Variants in MBD3L1 observed in about 807,000 individuals in gnomAD.
MBD3L1 encodes the protein methyl-CpG-binding domain protein 3-like 1.
For missense variants in MBD3L1, 203 were observed against 230.1 expected (o/e 0.88, Z 0.76); for synonymous variants, 84 against 85.1 (o/e 0.99, Z 0.07).
chr19:8,832,964 C>G (rs2145331728), intron 1 of MBD3L1: 1 of 140,060 alleles, frequency 7.1e-6, no homozygotes, highest in Non-Finnish European at 1.5e-5. Context: ...AGGGGCGGAG[C>G]TATGGGGTGG....
intron 1 of MBD3L1, among the ~76,000 whole-genome samples, chr19:8,836,735 C>G (rs1189171301): frequency 7.2e-5 from 11 of 152,194 alleles, no homozygotes; most frequent in Admixed American, 7.2e-4. Flanking sequence ...CAAGCAATCC[C>G]TTTGCCTTGG....
In MBD3L1 at chr19:8,843,305, C is replaced by G; in HGVS notation, c.*42C>G. ...AGTGCAGATGAAATAAAGTGTAATC[C>G]TTTATTAACATCTCTTTGCAGTGTC... On this transcript the variant is annotated 3_prime_UTR_variant, in exon 3 of 3. Transcript: ENST00000595891. The G allele has an allele frequency of 7.1e-7, 1 of 1,409,562 alleles. No individual in the cohort carries two copies. The highest frequency in any genetic ancestry group is 9.4e-7 in the Non-Finnish European group (1 of 1,058,382). The allele number at this position is 1,409,562 out of a possible 1,614,324, so 87.3% of individuals were successfully genotyped here.
At chr19:8,835,086 C>G (rs2044441009) in intron 1 of MBD3L1, among the ~76,000 whole-genome samples, 1 of 149,628 alleles carries the variant, frequency 6.7e-6, no homozygotes, top group Non-Finnish European at 1.5e-5. Flanking sequence ...GAGTCTCCTT[C>G]TGTCACCTAG....
At chr19:8,835,392 G>T (rs1384289997) in intron 1 of MBD3L1, among the ~76,000 whole-genome samples, 1 of 152,126 alleles carries the variant, frequency 6.6e-6, no homozygotes, top group African/African-American at 2.4e-5. Flanking sequence ...TTTCTACAAA[G>T]AAGATACACA....
intron 1 of MBD3L1, chr19:8,833,252 T>G (rs1195174628): frequency 1.3e-5 from 2 of 152,212 alleles, no homozygotes; most frequent in African/African-American, 4.8e-5. Context: ...GATCAGATTA[T>G]GTATGCACAT....
chr19:8,840,195 A>C (rs991740245), intron 1 of MBD3L1, among the ~76,000 whole-genome samples: 6 of 152,142 alleles, frequency 3.9e-5, no homozygotes, highest in South Asian at 2.1e-4. Flanking sequence ...AAAAAAAAAA[A>C]AAAACAAAAA....
intron 1 of MBD3L1, among the ~76,000 whole-genome samples, chr19:8,839,280 G>T (rs1293951503): frequency 6.7e-6 from 1 of 150,320 alleles, no homozygotes; most frequent in East Asian, 2.0e-4. Context: ...CGCCTCCCAG[G>T]TTCACGCCAT....
intron 1 of MBD3L1, among the ~76,000 whole-genome samples, chr19:8,836,649 G>A (rs780008865): frequency 3.9e-5 from 6 of 151,928 alleles, no homozygotes; most frequent in African/African-American, 7.3e-5. Flanking sequence ...GCACCACCAC[G>A]CCCAGCTAGT....
intron 1 of MBD3L1, among the ~76,000 whole-genome samples, chr19:8,836,954 C>G (rs971954220): frequency 2.0e-5 from 3 of 152,264 alleles, no homozygotes; most frequent in Non-Finnish European, 4.4e-5. Flanking sequence ...AAAACATCAT[C>G]AAAGACAAAG....
intron 1 of MBD3L1, among the ~76,000 whole-genome samples, chr19:8,834,124 G>C (rs2044425513): frequency 6.6e-6 from 1 of 152,194 alleles, no homozygotes; most frequent in Non-Finnish European, 1.5e-5. Flanking sequence ...GAATGATATT[G>C]TTTCATGCAC....
intron 1 of MBD3L1, among the ~76,000 whole-genome samples, chr19:8,834,059 T>C (rs1402498640): frequency 1.3e-5 from 2 of 151,978 alleles, no homozygotes; most frequent in East Asian, 3.9e-4. Context: ...AGGGAAAAAA[T>C]TTTATGTAAG....
At chr19:8,838,252 CAAAAAAAAAAA>C (rs542318207) in intron 1 of MBD3L1, among the ~76,000 whole-genome samples, 824 of 11,824 alleles carry the variant, frequency 0.07, 37 homozygotes, top group South Asian at 0.27. Flanking sequence ...GACTCCATCT[CAAAAAAAAAAA>C]AAAAAAAAAA....
At chr19:8,840,241 C>T (rs1568484496) in intron 1 of MBD3L1, among the ~76,000 whole-genome samples, 1 of 149,796 alleles carries the variant, frequency 6.7e-6, no homozygotes, top group Non-Finnish European at 1.5e-5. Flanking sequence ...ATATTGGAAG[C>T]ATAAAATTAA....
intron 1 of MBD3L1, among the ~76,000 whole-genome samples, chr19:8,834,405 C>T (rs530514782): frequency 1.3e-5 from 2 of 151,700 alleles, no homozygotes; most frequent in African/African-American, 4.8e-5. Context: ...GTCAAGATAT[C>T]GAGACCATCC....
intron 1 of MBD3L1, among the ~76,000 whole-genome samples, chr19:8,839,423 A>G (rs1041947100): frequency 2.6e-5 from 4 of 151,842 alleles, no homozygotes; most frequent in Non-Finnish European, 5.9e-5. Flanking sequence ...GATGGTCTCA[A>G]TCTCCTGACC....
At position 8,843,075 on chromosome 19, in the gene MBD3L1, C is replaced by T; in HGVS notation, c.397C>T (p.Pro133Ser). 1 of 1,613,966 alleles carries T rather than the reference C, an allele frequency of 6.2e-7. No homozygotes were observed. Among genetic ancestry groups the T allele is most frequent in the Non-Finnish European group, 8.5e-7 (1 of 1,179,940 alleles). The part of the protein sequence containing the change: ...ACSSDAVEII[P>S]AEGVGISQLL... ...CTCTTCAGATGCGGTGGAGATAATT[C>T]CTGCAGAGGGAGTGGGTATCTCGCA... The change falls in exon 3 of 3, where the codon CCT becomes TCT. Residue 133 changes from proline (P) to serine (S), a missense_variant. Coordinates refer to ENST00000595891, the MANE Select transcript of MBD3L1 (RefSeq NM_001393532.1).
chr19:8,833,714 C>T (rs1327953741), intron 1 of MBD3L1, among the ~76,000 whole-genome samples: 4 of 151,914 alleles, frequency 2.6e-5, no homozygotes, highest in African/African-American at 7.3e-5. Flanking sequence ...GCTGGTTGGA[C>T]CTGGTGGCTT....
intron 1 of MBD3L1, among the ~76,000 whole-genome samples, chr19:8,834,613 A>C (rs1323052413): frequency 1.3e-5 from 2 of 151,450 alleles, no homozygotes; most frequent in South Asian, 2.1e-4. Context: ...TCAAAAAAAA[A>C]AAACAAACCA....
chr19:8,834,591 A>G (rs2044432735), intron 1 of MBD3L1, among the ~76,000 whole-genome samples: 1 of 148,982 alleles, frequency 6.7e-6, no homozygotes, highest in Admixed American at 6.8e-5. Flanking sequence ...CTGAGAACAG[A>G]GCGAGACTCC....
Sources: allele counts gnomAD v4.1 joint callset (sites outside exome capture counted in the v4.1 genomes callset), GRCh38; gene constraint gnomAD v4.1.1; transcripts MANE v1.5; gene names NCBI Gene and HGNC (gene_info 2026-07-23, HGNC 2026-07-21).